HMGXB3: variants seen among roughly 807,000 people sequenced by gnomAD.
HMGXB3 encodes the protein HMG domain-containing protein 3.
Under a neutral mutation model 121.5 loss-of-function variants are expected in HMGXB3, and 45 were observed. The observed-to-expected ratio is 0.37, with a 90% CI of 0.29 to 0.47. HMGXB3 has a LOEUF of 0.47. Ranked by LOEUF, HMGXB3 falls within the 20% of genes least tolerant of loss-of-function variation. The pLI, the probability that HMGXB3 is intolerant of heterozygous loss-of-function variation, is 0.99. For synonymous variants in HMGXB3, 590 were observed against 624.1 expected (o/e 0.95, Z 0.81); for missense variants, 1,376 against 1,602.2 (o/e 0.86, Z 2.41).
In HMGXB3 at chr5:150,000,741, T is replaced by A. The variant is rs1222332983; in HGVS notation, c.-441T>A. The stretch of plus-strand genomic sequence containing the variant: ...CCGCCGGGACGGGTCTCCCTGGCGA[T>A]CCGTGGTGTGCCGCTACTGCCGGTG... On this transcript the variant is annotated 5_prime_UTR_variant, in exon 1 of 20. Transcript: ENST00000502717. The A allele has an allele frequency of 2.6e-5, 4 of 154,538 alleles. No individual in the cohort carries two copies. In the Admixed American group the frequency reaches 2.6e-4, roughly 10 times the overall value. 9.6% of individuals were successfully genotyped at this position (154,538 alleles called of 1,614,324 possible).
intron 3 of HMGXB3, among the ~76,000 whole-genome samples, chr5:150,007,585 T>G (rs997688710): frequency 1.3e-5 from 2 of 152,194 alleles, no homozygotes; most frequent in African/African-American, 2.4e-5. Context: ...TGGCCTGGCA[T>G]TCTTCTTTCT....
At chr5:150,008,894 G>A (rs1159722671) in intron 3 of HMGXB3, among the ~76,000 whole-genome samples, 1 of 152,190 alleles carries the variant, frequency 6.6e-6, no homozygotes, top group East Asian at 1.9e-4. Context: ...CTGCTTTTAT[G>A]TTTCATCTGA....
At chr5:150,032,820 C>A (rs974467615) in intron 11 of HMGXB3, among the ~76,000 whole-genome samples, 1 of 152,168 alleles carries the variant, frequency 6.6e-6, no homozygotes. Context: ...GTATCTTGAT[C>A]TCTGAGAACC....
Position 150,028,489 on chromosome 5 carries a change from GTA to G in HMGXB3, c.1734+1380_1734+1381del, listed in dbSNP as rs1197595051. Among the ~76,000 whole-genome samples, 14 of 106,266 alleles carry G rather than the reference GTA, an allele frequency of 1.3e-4. No individual in the cohort carries two copies. In the East Asian group the frequency reaches 1.4e-3, roughly 10 times the overall value. The allele number at this position is 106,266 out of a possible 152,430, so 69.7% of individuals were successfully genotyped here. ...ATATATGTGTGTTTGATATATATAT[GTA>G]TATATATGTATGTATGTGTGTGTGT... is the stretch of plus-strand genomic sequence containing the variant. On this transcript the variant is annotated intron_variant, in intron 9 of 19. Coordinates refer to ENST00000502717, the MANE Select transcript of HMGXB3 (RefSeq NM_014983.3).
chr5:150,038,497 C>G (rs1389678587), intron 13 of HMGXB3, among the ~76,000 whole-genome samples: 2 of 152,168 alleles, frequency 1.3e-5, no homozygotes, highest in African/African-American at 4.8e-5. Flanking sequence ...GCTCCAAGTT[C>G]CATAAGTTCT....
chr5:150,013,570 G>A (rs1359624064), intron 5 of HMGXB3, among the ~76,000 whole-genome samples: 1 of 152,114 alleles, frequency 6.6e-6, no homozygotes, highest in African/African-American at 2.4e-5. Context: ...AAAATGACTT[G>A]GGAAGTATTT....
chr5:150,029,948 C>T lies in HMGXB3; in HGVS notation c.1735-793C>T, dbSNP rs952799369. Among the ~76,000 whole-genome samples the T allele has an allele frequency of 2.6e-5, 4 of 152,322 alleles. No individual in the cohort carries two copies. In the South Asian group the frequency reaches 6.2e-4, roughly 24 times the overall value. ...AGCCCCTAGATTCCCTTCATGTACA[C>T]TCTGTTACTTGGGTAAACCCCAGTC... On this transcript the variant is annotated intron_variant, in intron 9 of 19. Coordinates refer to ENST00000502717, the MANE Select transcript of HMGXB3 (RefSeq NM_014983.3).
At chr5:150,037,025 GT>G in intron 12 of HMGXB3, 88 bp downstream of exon 12, 1 of 1,162,072 alleles carries the variant, frequency 8.6e-7, no homozygotes, top group Non-Finnish European at 1.2e-6. Context: ...AACTATAACT[GT>G]GAAGATGTTA....
chr5:150,012,352 T>A lies in HMGXB3; in HGVS notation c.908T>A (p.Leu303Gln), dbSNP rs1755860495. The change falls in exon 5 of 20, where the codon CTG becomes CAG. Residue 303 changes from leucine (L) to glutamine (Q), a missense_variant and splice_region_variant. Physicochemically the swap from Leu to Gln is moderately radical, Grantham distance 113. Coordinates refer to ENST00000502717, the MANE Select transcript of HMGXB3 (RefSeq NM_014983.3). ...SVVENPTSIKLTTTYTRRGHG... is the reference protein window; with the variant it reads ...SVVENPTSIKQTTTYTRRGHG... Reference sequence around the variant, plus strand: ...GTGGAGAACCCCACCTCCATCAAACTGGTCAGTACTGTATGTGGGGGATTG... The same window carrying A: ...GTGGAGAACCCCACCTCCATCAAACAGGTCAGTACTGTATGTGGGGGATTG... 1 of 1,545,656 alleles carries A rather than the reference T, an allele frequency of 6.5e-7. No individual in the cohort carries two copies.
At chr5:150,040,991 A>G (rs1756619329) in intron 14 of HMGXB3, 112 bp downstream of exon 14, 1 of 1,065,048 alleles carries the variant, frequency 9.4e-7, no homozygotes, top group African/African-American at 1.6e-5. Flanking sequence ...ATTATTTTGA[A>G]AAGGAGACAT....
intron 11 of HMGXB3, among the ~76,000 whole-genome samples, chr5:150,035,908 A>G (rs1055826044): frequency 6.6e-6 from 1 of 152,128 alleles, no homozygotes; most frequent in African/African-American, 2.4e-5. Context: ...ATACTTGTTT[A>G]TGTATCAAAA....
chr5:150,039,704 T>C (rs181358825), intron 13 of HMGXB3, among the ~76,000 whole-genome samples: 63 of 152,332 alleles, frequency 4.1e-4, no homozygotes, highest in Non-Finnish European at 7.6e-4. Context: ...CCTGTCAGAA[T>C]GTGATATCAG....
intron 18 of HMGXB3, among the ~76,000 whole-genome samples, chr5:150,049,995 G>T (rs898023982): frequency 2.0e-5 from 3 of 152,190 alleles, no homozygotes; most frequent in African/African-American, 7.2e-5. Flanking sequence ...TTTGAAAGAT[G>T]TTCTGAGGTG....
chr5:150,010,673 A>G, intron 4 of HMGXB3, 65 bp downstream of exon 4: 1 of 1,425,218 alleles, frequency 7.0e-7, no homozygotes, highest in East Asian at 2.5e-5. Context: ...AGCTAGCACC[A>G]TACAGTGTGA....
In HMGXB3 at chr5:150,047,631, C is replaced by T; in HGVS notation, c.2958C>T (p.Gly986=). ...CACTGTTGTCTCTTGCAGGCAGTGG[C>T]AGTGCCTTGGTGAGGCTGCTCCAGG... ...NLDVQPVPGS[G]SALVRLLQEG... The change falls in exon 17 of 20, where the codon GGC becomes GGT. Residue 986 remains glycine, a synonymous_variant. Transcript: ENST00000502717. 6.4e-7 allele frequency: 1 copy of T among 1,551,646 alleles called. No homozygotes were observed. Among genetic ancestry groups the T allele is most frequent in the Non-Finnish European group, 8.7e-7 (1 of 1,146,954 alleles).
chr5:150,045,579 C>G lies in HMGXB3; in HGVS notation c.2844C>G (p.Thr948=). ...CATTTCCTGCCAGCATCCCTATCAC[C>G]AAATTTGATGCGTCTGTTATTGCCC... is the stretch of plus-strand genomic sequence containing the variant. ...QVAFPASIPI[T]KFDASVIAPF... The change falls in exon 16 of 20, where the codon ACC becomes ACG. Residue 948 remains threonine (T), a synonymous_variant. Transcript: ENST00000502717. 1.9e-6 allele frequency: 3 copies of G among 1,552,026 alleles called. No homozygotes were observed. In the South Asian group the frequency reaches 3.6e-5, roughly 18 times the overall value.
intron 5 of HMGXB3, among the ~76,000 whole-genome samples, chr5:150,016,453 T>C (rs373483683): frequency 2.0e-5 from 3 of 152,192 alleles, no homozygotes; most frequent in African/African-American, 7.2e-5. Flanking sequence ...TTGCGAAGTA[T>C]GTAAACATGT....
Position 150,004,875 on chromosome 5 carries a change from C to T in HMGXB3, c.23C>T (p.Thr8Ile). ...GCCATGGACGCATCATATGATGGTA[C>T]TGAGGTAACTGTCGTGATGGAGGAA... Reference protein sequence around the residue: MDASYDGTEVTVVMEEIE... With the variant: MDASYDGIEVTVVMEEIE... The change falls in exon 2 of 20, where the codon ACT (threonine) becomes ATT (isoleucine). Residue 8 changes from threonine (T) to isoleucine (I), a missense_variant. By Grantham distance (89) the Thr-to-Ile change is moderately conservative. This residue lies in a region of HMGXB3 where 1,116 missense variants were observed against 1,369.0 expected (regional missense o/e 0.82). Transcript: ENST00000502717. The T allele has an allele frequency of 6.4e-7, 1 of 1,551,270 alleles. No individual in the cohort carries two copies. Among genetic ancestry groups the T allele is most frequent in the Non-Finnish European group, 8.7e-7 (1 of 1,146,700 alleles).
At chr5:150,009,829 T>A (rs901716293) in intron 3 of HMGXB3, among the ~76,000 whole-genome samples, 1 of 152,156 alleles carries the variant, frequency 6.6e-6, no homozygotes, top group South Asian at 2.1e-4. Context: ...GCTCACAGTT[T>A]CATATGGCAA....
Sources: gnomAD v4.1 joint callset for allele counts (sites outside exome capture counted in the v4.1 genomes callset) on GRCh38, gnomAD v4.1.1 for gene constraint, gnomAD v4.1.1 regional missense constraint, MANE v1.5 for transcripts, NCBI Gene and HGNC (gene_info 2026-07-23, HGNC 2026-07-21) for gene names.